KLHL13: variants seen among roughly 807,000 people sequenced by gnomAD.
The protein encoded by KLHL13 is kelch like family member 13.
In KLHL13, 10 loss-of-function variants were observed where a neutral mutation model predicts 37.1. The observed-to-expected ratio is 0.27, with a 90% CI of 0.17 to 0.46. The LOEUF (loss-of-function observed/expected upper bound fraction) is 0.46, where lower values mean the gene tolerates loss of function less well. Ranked by LOEUF, KLHL13 falls within the 20% of genes least tolerant of loss-of-function variation. The pLI is 1.00. For synonymous variants in KLHL13, 163 were observed against 181.2 expected (o/e 0.90, Z 0.81); for missense variants, 360 against 509.3 (o/e 0.71, Z 2.82).
intron 1 of KLHL13, among the ~76,000 whole-genome samples, chrX:118,083,578 G>A (rs941763257): frequency 2.7e-5 from 3 of 111,558 alleles, no homozygotes; most frequent in African/African-American, 9.8e-5. Context: ...GAGGCTGGGC[G>A]AGAGTGGGGG....
chrX:118,103,628 C>A (rs2055313245), intron 1 of KLHL13, among the ~76,000 whole-genome samples: 1 of 111,361 alleles, frequency 9.0e-6, no homozygotes, highest in African/African-American at 3.3e-5. Context: ...TTAATTATGT[C>A]TGAAGGTCAT....
rs927287893 is a variant in KLHL13 at position 118,038,425 on chromosome X, C to T, written c.-56+78083G>A. Among the ~76,000 whole-genome samples the T allele has an allele frequency of 5.4e-5, 6 of 111,899 alleles. No individual in the cohort carries two copies. The East Asian group carries it at 1.4e-3, about 26-fold the overall frequency. ...GATTGTAGGATATACAGCCCTTAAT[C>T]GCCTACATCACCACCCCTCCATCCC... On this transcript the variant is annotated intron_variant, in intron 1 of 6. Transcript: ENST00000371882.
At chrX:118,097,376 T>G (rs1225730424) in intron 1 of KLHL13, among the ~76,000 whole-genome samples, 2 of 111,377 alleles carry the variant, frequency 1.8e-5, no homozygotes, top group East Asian at 2.8e-4. Flanking sequence ...TTACAAGGGA[T>G]GTGAAGGACC....
At chrX:117,930,687 T>C (rs937843762) in intron 2 of KLHL13, among the ~76,000 whole-genome samples, 10 of 111,491 alleles carry the variant, frequency 9.0e-5, no homozygotes, top group Non-Finnish European at 1.7e-4. Context: ...ACTTTTATCC[T>C]AAAGATGCAC....
At chrX:117,936,568 G>A in intron 2 of KLHL13, among the ~76,000 whole-genome samples, 1 of 111,412 alleles carries the variant, frequency 9.0e-6, no homozygotes, top group East Asian at 2.8e-4. Flanking sequence ...CAGAAAATAA[G>A]TGGCCTCATC....
At position 118,002,593 on chromosome X, in the gene KLHL13, CG is replaced by C. The variant is rs1569287319; in HGVS notation, c.-55-57019del. ...GGGCAACAAGAGTGAAACTCTGTCT[CG>C]AAAATAAATAAATAAATAAATAAAT... On this transcript the variant is annotated intron_variant, in intron 1 of 6. Transcript: ENST00000371882. Among the ~76,000 whole-genome samples the C allele has an allele frequency of 8.3e-4, 76 of 91,050 alleles. 1 individual carries two copies. Among genetic ancestry groups the C allele is most frequent in the African/African-American group, 3.0e-3 (69 of 22,681 alleles). 79.1% of individuals were successfully genotyped at this position (91,050 alleles called of 115,157 possible).
At chrX:118,116,472 T>G (rs2055470793) in intron 1 of KLHL13, 36 bp downstream of exon 1, 1 of 113,116 alleles carries the variant, frequency 8.8e-6, no homozygotes, top group African/African-American at 3.2e-5. Flanking sequence ...GGGAAGCGGC[T>G]GCTGGAGCCC....
rs771487343 is a variant in KLHL13 at position 117,909,905 on chromosome X, T to C, written c.762A>G (p.Glu254=). 7.5e-5 allele frequency: 91 copies of C among 1,210,170 alleles called. 2 individuals are homozygous for C. The South Asian group carries it at 1.5e-3, about 20-fold the overall frequency. ...GACAGGTAGCCTTAAAGAGCTCAAGTTCAGTACAGTGCTTAAGGCTATTAC... is the reference window on the plus strand; with the variant it reads ...GACAGGTAGCCTTAAAGAGCTCAAGCTCAGTACAGTGCTTAAGGCTATTAC... The change falls in exon 5 of 7, where the codon GAA becomes GAG. Residue 254 remains glutamate (E), a synonymous_variant. Transcript: ENST00000262820.
intron 2 of KLHL13, among the ~76,000 whole-genome samples, chrX:117,923,241 G>A (rs1931821736): frequency 9.0e-6 from 1 of 111,493 alleles, no homozygotes; most frequent in Non-Finnish European, 1.9e-5. Context: ...TTGTTGGTTC[G>A]AAGGATATTT....
intron 1 of KLHL13, among the ~76,000 whole-genome samples, chrX:117,991,632 A>G (rs1283858324): frequency 9.0e-6 from 1 of 110,706 alleles, no homozygotes; most frequent in African/African-American, 3.3e-5. Context: ...CCAGATTTGC[A>G]CACAACTAAA....
At chrX:118,049,518 C>G (rs1602683266) in intron 1 of KLHL13, among the ~76,000 whole-genome samples, 1 of 110,782 alleles carries the variant, frequency 9.0e-6, no homozygotes, top group African/African-American at 3.3e-5. Flanking sequence ...ATTCTCCTCT[C>G]CCACCTGTGG....
intron 4 of KLHL13, among the ~76,000 whole-genome samples, chrX:117,914,608 C>T (rs1931218220): frequency 9.0e-6 from 1 of 111,425 alleles, no homozygotes; most frequent in South Asian, 3.8e-4. Flanking sequence ...CAGATGAGAC[C>T]ATCACAGGAC....
At position 118,094,025 on chromosome X, in the gene KLHL13, G is replaced by C. The variant is rs181381690; in HGVS notation, c.-56+22483C>G. 9.1e-3 allele frequency among the ~76,000 whole-genome samples: 985 copies of C among 108,530 alleles called. 3 individuals carry two copies. The highest frequency in any genetic ancestry group is 0.016 in the Non-Finnish European group (854 of 52,642). The allele number at this position is 108,530 out of a possible 115,157, so 94.2% of individuals were successfully genotyped here. A position where few individuals can be genotyped will look rare whatever the true frequency, so the allele number is the denominator to read the frequency against. On this transcript the variant is annotated intron_variant, in intron 1 of 6. Coordinates refer to the KLHL13 transcript ENST00000371882. ...ACCAGCAACGGAACAAAGCTGGACAGAGAATGACTTTGACGAGTTGAGAGA... is the reference window on the plus strand; with the variant it reads ...ACCAGCAACGGAACAAAGCTGGACACAGAATGACTTTGACGAGTTGAGAGA...
chrX:118,002,250 T>A (rs1253526011), intron 1 of KLHL13, among the ~76,000 whole-genome samples: 3 of 110,923 alleles, frequency 2.7e-5, no homozygotes, highest in Non-Finnish European at 5.7e-5. Flanking sequence ...GAGAGATGAT[T>A]TAAAAATTGT....
intron 1 of KLHL13, among the ~76,000 whole-genome samples, chrX:118,011,422 G>T (rs984703354): frequency 9.2e-6 from 1 of 109,013 alleles, no homozygotes; most frequent in Non-Finnish European, 1.9e-5. Context: ...GATCATTATG[G>T]CTGCAAAGAG....
At chrX:118,040,676 T>C (rs1383277042) in intron 1 of KLHL13, among the ~76,000 whole-genome samples, 2 of 111,493 alleles carry the variant, frequency 1.8e-5, no homozygotes, top group African/African-American at 6.5e-5. Context: ...TTCCCAAACC[T>C]AGAGAAAGAT....
chrX:118,035,442 G>A (rs945929233), intron 1 of KLHL13, among the ~76,000 whole-genome samples: 5 of 109,339 alleles, frequency 4.6e-5, no homozygotes, highest in Non-Finnish European at 9.4e-5. Flanking sequence ...TTCAATATAC[G>A]CAAATCAATA....
intron 1 of KLHL13, among the ~76,000 whole-genome samples, chrX:118,056,332 T>C (rs2054684706): frequency 9.0e-6 from 1 of 111,647 alleles, no homozygotes; most frequent in African/African-American, 3.2e-5. Flanking sequence ...TGGGAAAACA[T>C]ACCATGTTCA....
chrX:117,909,515 G>A (rs372400179), exon 5 of KLHL13: 33 of 1,209,391 alleles, frequency 2.7e-5, no homozygotes, highest in Admixed American at 4.4e-5. Flanking sequence ...CAATGACGGC[G>A]ATGCCATGCT....
Sources: allele counts gnomAD v4.1 joint callset (sites outside exome capture counted in the v4.1 genomes callset), GRCh38; gene constraint gnomAD v4.1.1; transcripts MANE v1.5; gene names NCBI Gene and HGNC (gene_info 2026-07-23, HGNC 2026-07-21).